PAPPA2: variants seen among roughly 807,000 people sequenced by gnomAD.
The protein encoded by PAPPA2 is pappalysin 2, also known as pappalysin-2.
In PAPPA2, 86 loss-of-function variants were observed where a neutral mutation model predicts 176.4. That is an observed-to-expected ratio of 0.49 (90% confidence interval 0.41 to 0.58). PAPPA2 has a LOEUF of 0.58. Ranked by LOEUF, PAPPA2 falls within the 20% of genes least tolerant of loss-of-function variation. PAPPA2 has a pLI of 0.00. For synonymous variants in PAPPA2, 809 were observed against 852.2 expected (o/e 0.95, Z 0.88); for missense variants, 2,073 against 2,256.9 (o/e 0.92, Z 1.65).
chr1:176,826,050 A>T (rs902371552), intron 21 of PAPPA2, among the ~76,000 whole-genome samples: 48 of 152,232 alleles, frequency 3.2e-4, no homozygotes, highest in Non-Finnish European at 3.1e-4. Context: ...TGATGAGGAA[A>T]CTGAGGGGCT....
In PAPPA2 at chr1:176,750,334, G is replaced by A. The variant is rs115979161; in HGVS notation, c.4151+10138G>A. On this transcript the variant is annotated intron_variant, in intron 14 of 22. Transcript: ENST00000367662. ...ATAACATAAACAATTGTCCAGGCGC[G>A]GTGGCTCACACCTGTAATTCCAGCA... Among the ~76,000 whole-genome samples the A allele has an allele frequency of 8.1e-3, 1,240 of 152,168 alleles. 20 individuals are homozygous for A. The highest frequency in any genetic ancestry group is 0.027 in the African/African-American group (1,134 of 41,518).
chr1:176,840,256 A>C lies in PAPPA2; in HGVS notation c.5286A>C (p.Thr1762=). 1 of 1,612,080 alleles carries C rather than the reference A, an allele frequency of 6.2e-7. No individual in the cohort carries two copies. Among genetic ancestry groups the C allele is most frequent in the East Asian group, 2.2e-5 (1 of 44,834 alleles). The part of the protein sequence containing the change: ...HYDGGDCCSS[T]LSSKKVIPFA... ...ACGGGGGAGACTGCTGCTCTTCCAC[A>C]CTCTCCTCCAAGAAGGTGAGTGAGA... is the stretch of plus-strand genomic sequence containing the variant. The change falls in exon 22 of 23, where the codon ACA becomes ACC. Residue 1762 remains threonine (T), a synonymous_variant. Transcript: ENST00000367662.
chr1:176,520,848 C>T (rs1292016648), intron 1 of PAPPA2, among the ~76,000 whole-genome samples: 3 of 152,062 alleles, frequency 2.0e-5, no homozygotes, highest in East Asian at 3.9e-4. Context: ...GGCACAGTAG[C>T]GTGTGCTTGT....
Position 176,571,899 on chromosome 1 carries a change from G to C in PAPPA2, c.919+14658G>C, listed in dbSNP as rs536863729. On this transcript the variant is annotated intron_variant, in intron 2 of 22. Transcript: ENST00000367662. ...CAGCCCAATCCTTTTTACCTTCTCT[G>C]GCCACATACTCAGGGTATGGGATAG... Among the ~76,000 whole-genome samples, 14 of 152,276 alleles carry C rather than the reference G, an allele frequency of 9.2e-5. No individual in the cohort carries two copies. In the East Asian group the frequency reaches 1.4e-3, roughly 15 times the overall value.
chr1:176,814,527 T>C (rs1232870169), intron 21 of PAPPA2, among the ~76,000 whole-genome samples: 2 of 152,186 alleles, frequency 1.3e-5, no homozygotes, highest in African/African-American at 4.8e-5. Context: ...TTCCTAGGTA[T>C]TTTATTTTCT....
intron 1 of PAPPA2, among the ~76,000 whole-genome samples, chr1:176,510,557 A>G (rs1044498863): frequency 1.5e-4 from 23 of 152,172 alleles, no homozygotes; most frequent in Non-Finnish European, 7.4e-5. Context: ...TTAGAGCTAC[A>G]TACAGACATA....
At chr1:176,721,935 T>C (rs1315864246) in intron 12 of PAPPA2, among the ~76,000 whole-genome samples, 1 of 152,184 alleles carries the variant, frequency 6.6e-6, no homozygotes, top group Non-Finnish European at 1.5e-5. Flanking sequence ...GTTATTCCCT[T>C]CTTTTTCATG....
intron 1 of PAPPA2, among the ~76,000 whole-genome samples, chr1:176,519,351 A>G (rs551318759): frequency 2.0e-5 from 3 of 152,236 alleles, no homozygotes; most frequent in East Asian, 1.9e-4. Flanking sequence ...CCTGGAGACT[A>G]CAGAGTCTGA....
At chr1:176,571,468 G>A (rs895916380) in intron 2 of PAPPA2, among the ~76,000 whole-genome samples, 2 of 152,154 alleles carry the variant, frequency 1.3e-5, no homozygotes, top group Non-Finnish European at 2.9e-5. Flanking sequence ...ACTATGTGTT[G>A]AGAGCCATGC....
intron 21 of PAPPA2, among the ~76,000 whole-genome samples, chr1:176,806,141 G>A (rs1665897781): frequency 6.6e-6 from 1 of 152,088 alleles, no homozygotes; most frequent in African/African-American, 2.4e-5. Context: ...AGTTTGGGAG[G>A]AAATTTCCAA....
intron 12 of PAPPA2, among the ~76,000 whole-genome samples, chr1:176,722,365 T>G (rs1024484563): frequency 6.6e-6 from 1 of 151,894 alleles, no homozygotes; most frequent in Non-Finnish European, 1.5e-5. Context: ...AAAGATCACT[T>G]TAATTCAATA....
intron 14 of PAPPA2, among the ~76,000 whole-genome samples, chr1:176,750,180 A>G (rs1663102434): frequency 6.6e-6 from 1 of 152,172 alleles, no homozygotes; most frequent in Non-Finnish European, 1.5e-5. Context: ...CTTAAATAAA[A>G]CTAAGCCTGT....
At chr1:176,708,224 C>T (rs1660968224) in intron 10 of PAPPA2, among the ~76,000 whole-genome samples, 2 of 152,026 alleles carry the variant, frequency 1.3e-5, no homozygotes, top group African/African-American at 4.8e-5. Flanking sequence ...TTTCCTTCAA[C>T]CCCAGTAAGA....
At chr1:176,830,215 T>C (rs1384043012) in intron 21 of PAPPA2, among the ~76,000 whole-genome samples, 5 of 152,108 alleles carry the variant, frequency 3.3e-5, no homozygotes, top group South Asian at 2.1e-4. Context: ...AAAAAATAAA[T>C]TTTTAAAAAC....
intron 1 of PAPPA2, chr1:176,553,757 G>A (rs1044847645): frequency 6.6e-6 from 1 of 151,874 alleles, no homozygotes; most frequent in African/African-American, 2.4e-5. Flanking sequence ...CTTTTTCTGA[G>A]GGTTATGGGG....
At chr1:176,718,290 A>G (rs1196269583) in intron 12 of PAPPA2, among the ~76,000 whole-genome samples, 2 of 152,014 alleles carry the variant, frequency 1.3e-5, no homozygotes, top group Non-Finnish European at 2.9e-5. Context: ...CACTCATGCT[A>G]TTGTTAATTT....
At chr1:176,652,875 G>A (rs1039960193) in intron 3 of PAPPA2, among the ~76,000 whole-genome samples, 8 of 151,628 alleles carry the variant, frequency 5.3e-5, no homozygotes, top group African/African-American at 1.9e-4. Flanking sequence ...TCAGATATGG[G>A]AGTCCAATTC....
intron 4 of PAPPA2, among the ~76,000 whole-genome samples, chr1:176,672,814 T>G (rs1659085959): frequency 6.6e-6 from 1 of 152,188 alleles, no homozygotes; most frequent in Admixed American, 6.6e-5. Flanking sequence ...TGATTCAGTT[T>G]TAAAGCCCTG....
chr1:176,594,404 T>C (rs1489541436), intron 2 of PAPPA2, 120 bp from the exon 3 acceptor site: 5 of 827,712 alleles, frequency 6.0e-6, no homozygotes, highest in Non-Finnish European at 7.4e-6. Context: ...CTGTGTCGCT[T>C]ACTTTATTCC....
Sources: gnomAD v4.1 joint callset for allele counts (sites outside exome capture counted in the v4.1 genomes callset) on GRCh38, gnomAD v4.1.1 for gene constraint, MANE v1.5 for transcripts, NCBI Gene and HGNC (gene_info 2026-07-23, HGNC 2026-07-21) for gene names.